Variants in ANKS1B observed in about 807,000 individuals in gnomAD.
ANKS1B encodes the protein ankyrin repeat and sterile alpha motif domain containing 1B, also known as ankyrin repeat and sterile alpha motif domain-containing protein 1B.
ANKS1B carries 36 observed loss-of-function variants against 148.3 expected under a neutral mutation model. The observed-to-expected ratio is 0.24, with a 90% CI of 0.19 to 0.32. ANKS1B has a LOEUF of 0.32. Among genes scored for constraint, ANKS1B ranks in the 10% least tolerant of loss-of-function variants. The probability of loss-of-function intolerance (pLI) is 1.00; values close to 1 mark genes in which losing one functional copy is unlikely to be tolerated. For synonymous variants in ANKS1B, 542 were observed against 560.8 expected, an observed-to-expected ratio of 0.97 and a Z score of 0.47; for missense variants, 1,157 against 1,542.6, an observed-to-expected ratio of 0.75 and a Z score of 4.19.
intron 15 of ANKS1B, among the ~76,000 whole-genome samples, chr12:99,098,323 T>C (rs547201095): frequency 3.3e-5 from 5 of 152,348 alleles, no homozygotes; most frequent in African/African-American, 1.2e-4. Context: ...ATCTGATGGA[T>C]GGAGTCTTTC....
chr12:99,050,695 T>TC (rs1427142571), intron 17 of ANKS1B, among the ~76,000 whole-genome samples: 101 of 144,112 alleles, frequency 7.0e-4, no homozygotes, highest in Non-Finnish European at 1.4e-3. Context: ...TTTTTCTTTT[T>TC]TTTTTTTTTT....
At chr12:99,331,961 TC>T (rs893201694) in intron 12 of ANKS1B, among the ~76,000 whole-genome samples, 5 of 151,956 alleles carry the variant, frequency 3.3e-5, no homozygotes, top group Admixed American at 3.3e-4. Flanking sequence ...TAAATATCAG[TC>T]CCTAACACTG....
intron 16 of ANKS1B, among the ~76,000 whole-genome samples, chr12:99,078,012 A>G (rs893368189): frequency 2.6e-5 from 4 of 152,152 alleles, no homozygotes; most frequent in Admixed American, 2.0e-4. Context: ...AGAAACCCAC[A>G]GTTTTTTTGG....
At chr12:98,792,024 GATT>G (rs1411808413) in intron 22 of ANKS1B, among the ~76,000 whole-genome samples, 1 of 152,124 alleles carries the variant, frequency 6.6e-6, no homozygotes, top group Non-Finnish European at 1.5e-5. Context: ...CTAGGGCATG[GATT>G]ATTATTTGGA....
intron 19 of ANKS1B, among the ~76,000 whole-genome samples, chr12:98,813,881 T>TTTTG (rs1050024050): frequency 2.2e-5 from 3 of 137,048 alleles, no homozygotes; most frequent in African/African-American, 8.3e-5. Context: ...TTTTTTTAGT[T>TTTTG]TTTGTTTGTT....
intron 12 of ANKS1B, among the ~76,000 whole-genome samples, chr12:99,365,188 C>A (rs952902043): frequency 6.6e-6 from 1 of 152,092 alleles, no homozygotes; most frequent in African/African-American, 2.4e-5. Flanking sequence ...CAGCTCCTGC[C>A]GCCCACAAGG....
chr12:98,885,683 G>A lies in ANKS1B; in HGVS notation c.2779-53547C>T, dbSNP rs185172016. Among the ~76,000 whole-genome samples, 80 of 152,084 alleles carry A rather than the reference G, an allele frequency of 5.3e-4. 1 individual carries two copies. In the East Asian group the frequency reaches 0.012, roughly 23 times the overall value. On this transcript the variant is annotated intron_variant, in intron 17 of 26. Transcript: ENST00000683438. ...CTCCACCACCCCCCTTGCCCGCCCC[G>A]TCAATTTGGTGAAATAAAGGCTGAT...
chr12:99,723,236 C>T (rs2058277102), intron 8 of ANKS1B, among the ~76,000 whole-genome samples: 1 of 152,232 alleles, frequency 6.6e-6, no homozygotes, highest in Admixed American at 6.5e-5. Context: ...GGACTGATAG[C>T]TGCCTAACAC....
chr12:98,833,999 G>A (rs138153943), intron 17 of ANKS1B, among the ~76,000 whole-genome samples: 2,435 of 152,078 alleles, frequency 0.016, 28 homozygotes, highest in Admixed American at 0.026. Flanking sequence ...GTTAACTTAC[G>A]GGCCTTTTGG....
intron 14 of ANKS1B, among the ~76,000 whole-genome samples, chr12:99,231,122 C>T (rs907508673): frequency 6.6e-6 from 1 of 152,076 alleles, no homozygotes; most frequent in Non-Finnish European, 1.5e-5. Flanking sequence ...AAACCTAGGT[C>T]GTCATTAGAG....
intron 9 of ANKS1B, among the ~76,000 whole-genome samples, chr12:99,634,646 G>A (rs568996864): frequency 2.0e-5 from 3 of 151,966 alleles, no homozygotes; most frequent in Non-Finnish European, 4.4e-5. Context: ...AATCTCAACA[G>A]GTAAAATCTA....
intron 17 of ANKS1B, among the ~76,000 whole-genome samples, chr12:99,006,350 C>T (rs7956628): frequency 0.25 from 37,617 of 152,164 alleles, 4,878 homozygotes; most frequent in African/African-American, 0.32. Flanking sequence ...AATAGGGACA[C>T]AGTCCCTGCT....
intron 11 of ANKS1B, among the ~76,000 whole-genome samples, chr12:99,409,051 T>C (rs528739260): frequency 1.3e-5 from 2 of 152,326 alleles, no homozygotes; most frequent in East Asian, 3.9e-4. Context: ...TTCTCTCTCA[T>C]GTTTATTGCA....
At chr12:98,842,652 A>G (rs1461219238) in intron 17 of ANKS1B, among the ~76,000 whole-genome samples, 1 of 152,184 alleles carries the variant, frequency 6.6e-6, no homozygotes, top group Admixed American at 6.5e-5. Context: ...GTATCGTATA[A>G]ATAAGGCCAT....
chr12:98,799,898 A>C (rs1252665590), intron 21 of ANKS1B, among the ~76,000 whole-genome samples: 2 of 152,088 alleles, frequency 1.3e-5, no homozygotes, highest in African/African-American at 4.8e-5. Context: ...TTTTTAAAAA[A>C]GTGAATTACA....
intron 9 of ANKS1B, among the ~76,000 whole-genome samples, chr12:99,528,916 CTTTGCTTGA>C (rs2096959230): frequency 6.6e-6 from 1 of 151,952 alleles, no homozygotes; most frequent in African/African-American, 2.4e-5. Context: ...TTCTCTTTTG[CTTTGCTTGA>C]TTTAAAAAAA....
chr12:99,703,990 A>T (rs1370403969), intron 8 of ANKS1B, among the ~76,000 whole-genome samples: 2 of 152,146 alleles, frequency 1.3e-5, no homozygotes, highest in African/African-American at 2.4e-5. Context: ...ATGATAGCGT[A>T]TCAAGAATAA....
At chr12:98,826,418 T>C (rs1249550227) in intron 19 of ANKS1B, among the ~76,000 whole-genome samples, 4 of 152,150 alleles carry the variant, frequency 2.6e-5, no homozygotes, top group Non-Finnish European at 5.9e-5. Context: ...ACTTTAAGCA[T>C]TGCTTTTCCA....
intron 1 of ANKS1B, among the ~76,000 whole-genome samples, chr12:99,877,151 G>A (rs1211736521): frequency 6.7e-6 from 1 of 150,242 alleles, no homozygotes; most frequent in African/African-American, 2.4e-5. Context: ...ATCCATAATT[G>A]TAGTTATAAT....
Sources: gnomAD v4.1 joint callset for allele counts (sites outside exome capture counted in the v4.1 genomes callset) on GRCh38, gnomAD v4.1.1 for gene constraint, MANE v1.5 for transcripts, NCBI Gene and HGNC (gene_info 2026-07-23, HGNC 2026-07-21) for gene names.